Variants in NOX3 observed in about 807,000 individuals in gnomAD.
The protein encoded by NOX3 is NADPH oxidase 3.
In NOX3, 74 loss-of-function variants were observed where a neutral mutation model predicts 76.7. The observed-to-expected ratio is 0.96, with a 90% CI of 0.80 to 1.17. NOX3 has a LOEUF of 1.17. NOX3 is among the 50% of genes most tolerant of loss of function. The pLI is 0.00. For missense variants in NOX3, 695 were observed against 703.3 expected (o/e 0.99, Z 0.13); for synonymous variants, 263 against 261.1 (o/e 1.01, Z -0.07).
chr6:155,436,311 G>T, intron 7 of NOX3, 107 bp downstream of exon 7: 3 of 1,256,494 alleles, frequency 2.4e-6, no homozygotes, highest in Non-Finnish European at 2.3e-6. Context: ...ATAAAGAGTT[G>T]GCTTTGTCTA....
intron 12 of NOX3, among the ~76,000 whole-genome samples, chr6:155,404,089 A>G (rs192815034): frequency 6.7e-6 from 1 of 149,274 alleles, no homozygotes; most frequent in Non-Finnish European, 1.5e-5. Context: ...CTGAAAACCG[A>G]ACGTAAAACA....
chr6:155,455,814 C>T lies in NOX3; in HGVS notation c.-14G>A, dbSNP rs60380588. On this transcript the variant is annotated 5_prime_UTR_variant, in exon 1 of 14. Coordinates refer to ENST00000159060, the MANE Select transcript of NOX3 (RefSeq NM_015718.3). ...GCACCCCATCATGATACTTGTTGCT[C>T]TTCGGCTGTCAGGAAATTTCTTCTC... The T allele has an allele frequency of 2.7e-3, 4,331 of 1,613,556 alleles. 115 individuals are homozygous for T. The African/African-American group carries it at 0.053, about 20-fold the overall frequency.
intron 10 of NOX3, among the ~76,000 whole-genome samples, chr6:155,414,563 T>C (rs1776598538): frequency 6.6e-6 from 1 of 151,770 alleles, no homozygotes; most frequent in Admixed American, 6.6e-5. Context: ...ACTTTCATAG[T>C]AATAAAATTA....
chr6:155,425,200 C>T (rs2114691522), intron 9 of NOX3, among the ~76,000 whole-genome samples: 1 of 152,256 alleles, frequency 6.6e-6, no homozygotes, highest in Non-Finnish European at 1.5e-5. Context: ...GATCTTTTTC[C>T]TTTTTGGCAT....
At chr6:155,429,588 C>A (rs1235921069) in intron 8 of NOX3, among the ~76,000 whole-genome samples, 1 of 152,152 alleles carries the variant, frequency 6.6e-6, no homozygotes, top group African/African-American at 2.4e-5. Flanking sequence ...TGAGTCTCAT[C>A]CTGTGTCCTG....
intron 4 of NOX3, among the ~76,000 whole-genome samples, chr6:155,447,595 T>C (rs1777080416): frequency 6.6e-6 from 1 of 152,252 alleles, no homozygotes; most frequent in African/African-American, 2.4e-5. Flanking sequence ...GTAAAAACTA[T>C]TCTCTCCAGT....
At chr6:155,418,150 TC>T (rs1396857682) in intron 10 of NOX3, among the ~76,000 whole-genome samples, 8 of 152,020 alleles carry the variant, frequency 5.3e-5, no homozygotes, top group Non-Finnish European at 1.2e-4. Flanking sequence ...TCAGCAATCC[TC>T]CCCCTCCCTC....
chr6:155,407,794 G>A (rs527633557), intron 11 of NOX3, among the ~76,000 whole-genome samples: 1 of 152,214 alleles, frequency 6.6e-6, no homozygotes, highest in African/African-American at 2.4e-5. Flanking sequence ...GGGAGGATGT[G>A]GAGCCTGGCA....
intron 5 of NOX3, among the ~76,000 whole-genome samples, chr6:155,442,310 C>T (rs1777004392): frequency 6.6e-6 from 1 of 152,040 alleles, no homozygotes; most frequent in African/African-American, 2.4e-5. Context: ...AAAGGTAGCT[C>T]AACTAAACCT....
At chr6:155,440,276 C>T (rs890781303) in intron 5 of NOX3, 139 bp from the exon 6 acceptor site, 13 of 640,210 alleles carry the variant, frequency 2.0e-5, no homozygotes, top group Non-Finnish European at 3.2e-5. Context: ...CAATGTTTCA[C>T]TCAGAAGCAC....
intron 6 of NOX3, among the ~76,000 whole-genome samples, chr6:155,437,958 A>T (rs780618292): frequency 2.0e-5 from 3 of 152,226 alleles, no homozygotes; most frequent in Non-Finnish European, 4.4e-5. Flanking sequence ...ATCCTAAAAT[A>T]AGCTTTTCAA....
chr6:155,448,641 C>CAAA (rs34503841), intron 4 of NOX3, among the ~76,000 whole-genome samples: 10 of 113,902 alleles, frequency 8.8e-5, no homozygotes, highest in African/African-American at 1.3e-4. Context: ...AAGAGTGAAC[C>CAAA]AAAAAAAAAA....
At chr6:155,453,370 T>A in intron 4 of NOX3, 34 bp downstream of exon 4, 1 of 1,457,138 alleles carries the variant, frequency 6.9e-7, no homozygotes, top group Non-Finnish European at 9.6e-7. Context: ...CATCAGATAT[T>A]GTAAAATCCA....
At chr6:155,451,847 C>T (rs6930632) in intron 4 of NOX3, among the ~76,000 whole-genome samples, 44,267 of 151,940 alleles carry the variant, frequency 0.29, 6,721 homozygotes, top group African/African-American at 0.36. Context: ...AGGCTGGTCT[C>T]GAACTTCTGA....
At chr6:155,426,991 G>GTGTGTGTGTGTGTGTGTA (rs1776764092) in intron 9 of NOX3, among the ~76,000 whole-genome samples, 7 of 113,702 alleles carry the variant, frequency 6.2e-5, no homozygotes, top group African/African-American at 2.5e-4. Flanking sequence ...TGGCGTGTGT[G>GTGTGTGTGTGTGTGTGTA]TGTGTGTGTG....
chr6:155,426,294 G>A (rs533265085), intron 9 of NOX3, among the ~76,000 whole-genome samples: 1 of 152,282 alleles, frequency 6.6e-6, no homozygotes, highest in South Asian at 2.1e-4. Flanking sequence ...GACAGTCAGG[G>A]CCTGTTCTAG....
intron 9 of NOX3, 57 bp from the exon 10 acceptor site, chr6:155,422,913 C>A: frequency 6.4e-7 from 1 of 1,572,198 alleles, no homozygotes; most frequent in Non-Finnish European, 8.7e-7. Context: ...GCTCGTGAAC[C>A]CAGAACCATC....
chr6:155,451,534 G>T (rs368357110), intron 4 of NOX3, among the ~76,000 whole-genome samples: 1 of 152,142 alleles, frequency 6.6e-6, no homozygotes, highest in African/African-American at 2.4e-5. Context: ...ATTGATACAC[G>T]ATTACATATA....
intron 6 of NOX3, among the ~76,000 whole-genome samples, chr6:155,438,044 C>T (rs1351594936): frequency 6.6e-6 from 1 of 152,104 alleles, no homozygotes; most frequent in Non-Finnish European, 1.5e-5. Context: ...CGAAACACTG[C>T]CCATTGAAAT....
Sources: gnomAD v4.1 joint callset for allele counts (sites outside exome capture counted in the v4.1 genomes callset) on GRCh38, gnomAD v4.1.1 for gene constraint, MANE v1.5 for transcripts, NCBI Gene and HGNC (gene_info 2026-07-23, HGNC 2026-07-21) for gene names.